The following TMEM165 variants were observed in gnomAD, a reference collection of about 807,000 sequenced individuals.
TMEM165 encodes transmembrane protein 165, also known as putative divalent cation/proton antiporter TMEM165.
TMEM165 carries 19 observed loss-of-function variants against 30.0 expected under a neutral mutation model. The ratio of observed to expected loss-of-function variants is 0.63; its 90% confidence interval spans 0.44 to 0.93. TMEM165 has a LOEUF of 0.93. Ranked by LOEUF, TMEM165 falls within the 40% of genes least tolerant of loss-of-function variation. The pLI, the probability that TMEM165 is intolerant of heterozygous loss-of-function variation, is 0.00. For synonymous variants in TMEM165, 168 were observed against 162.9 expected, an observed-to-expected ratio of 1.03 and a Z score of -0.24; for missense variants, 340 against 417.0, an observed-to-expected ratio of 0.82 and a Z score of 1.61.
At chr4:55,447,170 C>T (rs576095897) in intron 3 of TMEM165, among the ~76,000 whole-genome samples, 23 of 151,962 alleles carry the variant, frequency 1.5e-4, no homozygotes, top group Non-Finnish European at 2.6e-4. Flanking sequence ...AGTTTGAGAC[C>T]AGCCTGGGCA....
intron 2 of TMEM165, 158 bp downstream of exon 2, chr4:55,411,997 A>G (rs1347935146): frequency 2.9e-6 from 2 of 681,284 alleles, no homozygotes; most frequent in East Asian, 2.7e-5. Flanking sequence ...TTCCTTGTGT[A>G]TCCTCTAAAA....
chr4:55,417,068 C>G lies in TMEM165; in HGVS notation c.434-4C>G. Reference sequence around the variant, plus strand: ...TAACAAACATACTGTTGTATTTTTTCCAGTTTTGTTTGGCTATGCCACCAC... The same window carrying G: ...TAACAAACATACTGTTGTATTTTTTGCAGTTTTGTTTGGCTATGCCACCAC... On this transcript the variant is annotated splice_region_variant and splice_polypyrimidine_tract_variant and intron_variant, in intron 2 of 5. Transcript: ENST00000381334. 6.3e-7 allele frequency: 1 copy of G among 1,583,812 alleles called. No homozygotes were observed. The highest frequency in any genetic ancestry group is 8.6e-7 in the Non-Finnish European group (1 of 1,167,970).
At chr4:55,452,857 C>G in exon 4 of TMEM165, 2 of 473,480 alleles carry the variant, frequency 4.2e-6, no homozygotes, top group Non-Finnish European at 3.8e-6. Context: ...AGACACATCT[C>G]TCATCCAATT....
At position 55,402,795 on chromosome 4, in the gene TMEM165, C is replaced by CTTTTTTTTTTTTTTTTTTTTTTTT. The variant is rs71194554; in HGVS notation, c.207+6413_207+6414insTTTTTTTTTTTTTTTTTTTTTTTT. Among the ~76,000 whole-genome samples, 6 of 71,400 alleles carry CTTTTTTTTTTTTTTTTTTTTTTTT rather than the reference C, an allele frequency of 8.4e-5. 2 individuals are homozygous for CTTTTTTTTTTTTTTTTTTTTTTTT. Among genetic ancestry groups the CTTTTTTTTTTTTTTTTTTTTTTTT allele is most frequent in the African/African-American group, 1.3e-4 (2 of 15,820 alleles). The allele number at this position is 71,400 out of a possible 152,430, so 46.8% of individuals were successfully genotyped here. A position where few individuals can be genotyped will look rare whatever the true frequency, so the allele number is the denominator to read the frequency against. ...ACATTTTTACAACTTTTAAAAAAAG[C>CTTTTTTTTTTTTTTTTTTTTTTTT]TTTTTTTTTTTTTTGAGACGGAGTC... On this transcript the variant is annotated intron_variant, in intron 1 of 5. Coordinates refer to ENST00000381334, the MANE Select transcript of TMEM165 (RefSeq NM_018475.5).
chr4:55,444,837 C>G, intron 3 of TMEM165: 1 of 1,553,740 alleles, frequency 6.4e-7, no homozygotes, highest in Non-Finnish European at 8.8e-7. Flanking sequence ...TTACTTACTC[C>G]TTATAATTGC....
downstream of TMEM165, chr4:55,428,483 G>A (rs574291051): frequency 3.9e-5 from 6 of 152,178 alleles, no homozygotes; most frequent in South Asian, 4.2e-4. Flanking sequence ...TCAGAATTTC[G>A]GCAGAAGACA....
rs368424963 is a variant in TMEM165, at chr4:55,424,463, C to T, written c.793-75C>T. The stretch of plus-strand genomic sequence containing the variant: ...TAATTGTTGGCCACCATTTTTAGTG[C>T]TTCTGAATTGTTATGGTTCTCAAGC... On this transcript the variant is annotated intron_variant, in intron 4 of 5. Coordinates refer to ENST00000381334, the MANE Select transcript of TMEM165 (RefSeq NM_018475.5). 1,352 of 860,946 alleles carry T rather than the reference C, an allele frequency of 1.6e-3. 27 individuals carry two copies. The South Asian group carries it at 0.019, about 12-fold the overall frequency. The allele number at this position is 860,946 out of a possible 1,614,324, so 53.3% of individuals were successfully genotyped here. A position where few individuals can be genotyped will look rare whatever the true frequency, so the allele number is the denominator to read the frequency against.
chr4:55,417,813 C>A lies in TMEM165; in HGVS notation c.620C>A (p.Thr207Asn). ...TATTATTTATTTTAGTTTCAACGAA[C>A]CAAACTTTTAAATGGACCGGGAGAT... ...LKKKDEEFQR[T>N]KLLNGPGDVE... The change falls in exon 4 of 6, where the codon ACC becomes AAC. Residue 207 changes from threonine to asparagine, a missense_variant. Thr to Asn is a moderately conservative substitution (Grantham distance 65). This residue lies in a region of TMEM165 where 220 missense variants were observed against 307.6 expected (regional missense o/e 0.72). Coordinates refer to ENST00000381334, the MANE Select transcript of TMEM165 (RefSeq NM_018475.5). The A allele has an allele frequency of 6.3e-7, 1 of 1,598,618 alleles. No individual in the cohort carries two copies. The highest frequency in any genetic ancestry group is 8.5e-7 in the Non-Finnish European group (1 of 1,174,456).
At chr4:55,444,876 G>A in intron 3 of TMEM165, 2 of 1,309,302 alleles carry the variant, frequency 1.5e-6, no homozygotes, top group South Asian at 1.3e-5. Flanking sequence ...AGTATAACAT[G>A]AGTGAAGGAT....
At chr4:55,429,917 G>C (rs1161079433), downstream of TMEM165, 3 of 152,190 alleles carry the variant, frequency 2.0e-5, no homozygotes, top group Non-Finnish European at 2.9e-5. Flanking sequence ...GATTCAGACT[G>C]TCCGTAAAGA....
intron 3 of TMEM165, chr4:55,448,937 A>T (rs1724183470): frequency 8.6e-7 from 1 of 1,159,222 alleles, no homozygotes; most frequent in South Asian, 1.3e-5. Flanking sequence ...CAGCAGAAAT[A>T]TCAATATGAT....
At chr4:55,426,839 G>T (rs1722223961), downstream of TMEM165, among the ~76,000 whole-genome samples, 1 of 152,114 alleles carries the variant, frequency 6.6e-6, no homozygotes, top group South Asian at 2.1e-4. Context: ...GATCTTAAGA[G>T]GAGTTTTCAG....
intron 4 of TMEM165, among the ~76,000 whole-genome samples, chr4:55,422,102 G>C (rs1366292741): frequency 1.3e-5 from 2 of 152,170 alleles, no homozygotes; most frequent in Non-Finnish European, 2.9e-5. Context: ...CTGTGGCCTT[G>C]CATGATGCCT....
downstream of TMEM165, chr4:55,428,031 C>A (rs192276543): frequency 1.3e-5 from 2 of 152,126 alleles, no homozygotes; most frequent in African/African-American, 4.8e-5. Flanking sequence ...AAACATAGCA[C>A]TGAGGTATTT....
chr4:55,441,441 C>T (rs1723360322), intron 3 of TMEM165, among the ~76,000 whole-genome samples: 1 of 152,118 alleles, frequency 6.6e-6, no homozygotes, highest in African/African-American at 2.4e-5. Context: ...ATATGGCTAT[C>T]GCAGTACAGT....
At chr4:55,424,991 A>G (rs1405902580) in intron 5 of TMEM165, among the ~76,000 whole-genome samples, 3 of 152,248 alleles carry the variant, frequency 2.0e-5, no homozygotes, top group Non-Finnish European at 2.9e-5. Context: ...ATTCTGCTGA[A>G]TATGTCCTGT....
chr4:55,438,627 T>TA, intron 3 of TMEM165: 1 of 1,585,846 alleles, frequency 6.3e-7, no homozygotes. Flanking sequence ...CCTAAGATAA[T>TA]ACCCAATGAC....
intron 3 of TMEM165, among the ~76,000 whole-genome samples, chr4:55,442,867 T>C (rs1031597748): frequency 1.3e-5 from 2 of 152,110 alleles, no homozygotes; most frequent in African/African-American, 4.8e-5. Flanking sequence ...AGTGTGATTG[T>C]AATAGAGATG....
At chr4:55,422,638 G>T (rs1196376650) in intron 4 of TMEM165, among the ~76,000 whole-genome samples, 1 of 151,618 alleles carries the variant, frequency 6.6e-6, no homozygotes, top group Non-Finnish European at 1.5e-5. Context: ...AAACTTGGGT[G>T]TCATGCTTTA....
Sources: gnomAD v4.1 joint callset for allele counts (sites outside exome capture counted in the v4.1 genomes callset) on GRCh38, gnomAD v4.1.1 for gene constraint, gnomAD v4.1.1 regional missense constraint, MANE v1.5 for transcripts, NCBI Gene and HGNC (gene_info 2026-07-23, HGNC 2026-07-21) for gene names.